The following EFCAB6 variants were observed in gnomAD, a reference collection of about 807,000 sequenced individuals.
EFCAB6 encodes the protein EF-hand calcium binding domain 6.
A neutral mutation model predicts 169.8 loss-of-function variants in EFCAB6; 156 were observed. That is an observed-to-expected ratio of 0.92 (90% CI 0.81 to 1.05). The LOEUF (loss-of-function observed/expected upper bound fraction) is 1.05, where lower values mean the gene tolerates loss of function less well. EFCAB6 is among the 50% of genes least tolerant of loss of function. The probability of loss-of-function intolerance (pLI) is 0.00; values close to 1 mark genes in which losing one functional copy is unlikely to be tolerated. For missense variants in EFCAB6, 1,800 were observed against 1,829.1 expected, an observed-to-expected ratio of 0.98 and a Z score of 0.29; for synonymous variants, 698 against 676.4, an observed-to-expected ratio of 1.03 and a Z score of -0.50.
chr22:43,666,028 T>C (rs2057232514), intron 17 of EFCAB6, among the ~76,000 whole-genome samples: 1 of 152,248 alleles, frequency 6.6e-6, no homozygotes, highest in Non-Finnish European at 1.5e-5. Flanking sequence ...CCTCACGTGA[T>C]CCACCTGCCT....
chr22:43,610,406 T>C (rs1407438346), intron 21 of EFCAB6, among the ~76,000 whole-genome samples: 2 of 152,136 alleles, frequency 1.3e-5, no homozygotes, highest in Admixed American at 6.5e-5. Context: ...ACCTGACCAA[T>C]AAATGACCAA....
chr22:43,712,425 A>G (rs1472965611), intron 9 of EFCAB6, among the ~76,000 whole-genome samples: 1 of 152,232 alleles, frequency 6.6e-6, no homozygotes, highest in East Asian at 1.9e-4. Context: ...CTCCTGGAAC[A>G]TGGAAATATA....
intron 3 of EFCAB6, among the ~76,000 whole-genome samples, chr22:43,777,469 A>G (rs1012567918): frequency 2.0e-5 from 3 of 152,228 alleles, no homozygotes; most frequent in Non-Finnish European, 4.4e-5. Context: ...CAAGAGTTCC[A>G]AGAACACTCA....
At chr22:43,703,383 A>C (rs2058836281) in intron 10 of EFCAB6, among the ~76,000 whole-genome samples, 1 of 152,226 alleles carries the variant, frequency 6.6e-6, no homozygotes, top group Non-Finnish European at 1.5e-5. Context: ...GAACACCTGT[A>C]AAAGCCAGAA....
chr22:43,567,502 T>C (rs2049525768), intron 26 of EFCAB6, among the ~76,000 whole-genome samples: 3 of 152,334 alleles, frequency 2.0e-5, no homozygotes, highest in African/African-American at 7.2e-5. Flanking sequence ...TGGTGTTTGC[T>C]GTGTCAGGTA....
chr22:43,642,616 A>C (rs2055876362), intron 17 of EFCAB6, among the ~76,000 whole-genome samples: 1 of 152,250 alleles, frequency 6.6e-6, no homozygotes, highest in African/African-American at 2.4e-5. Flanking sequence ...TACTATGGCT[A>C]GAAAATAATA....
chr22:43,737,229 C>T (rs1003652495), intron 6 of EFCAB6, among the ~76,000 whole-genome samples: 1 of 152,074 alleles, frequency 6.6e-6, no homozygotes, highest in Non-Finnish European at 1.5e-5. Context: ...ACGGGTGCTG[C>T]GTGGTAATCC....
intron 4 of EFCAB6, among the ~76,000 whole-genome samples, chr22:43,769,345 A>G (rs563634935): frequency 2.0e-5 from 3 of 152,230 alleles, no homozygotes; most frequent in Admixed American, 6.5e-5. Context: ...AAGGAAATGG[A>G]GAGTAACTGC....
chr22:43,687,427 GAT>G, intron 11 of EFCAB6, 42 bp downstream of exon 11: 1 of 1,100,226 alleles, frequency 9.1e-7, no homozygotes, highest in Non-Finnish European at 1.3e-6. Flanking sequence ...TACATATTAT[GAT>G]ATGTGTAACT....
intron 27 of EFCAB6, among the ~76,000 whole-genome samples, chr22:43,550,301 C>A (rs552532253): frequency 7.1e-4 from 108 of 152,294 alleles, no homozygotes; most frequent in Middle Eastern, 3.4e-3. Flanking sequence ...CCTAAGTCCA[C>A]CTGCCTGAAG....
Position 43,590,213 on chromosome 22 carries a change from G to T in EFCAB6, c.2893C>A (p.Arg965Ser). Residue 965 changes from arginine (R) to serine (S), a missense_variant, in exon 24 of 32, where the codon CGC becomes AGC. Physicochemically the swap from Arg to Ser is moderately radical, Grantham distance 110 (BLOSUM62 -1). Transcript: ENST00000262726. The stretch of plus-strand genomic sequence containing the variant: ...AATGCTTTGCTGATATCTTGATGGC[G>T]GTCCATAAGCTTATCCCTGAAAGAG... ...AVAARDKLMD[R>S]HQDISKAFTK... 6.2e-7 allele frequency: 1 copy of T among 1,613,380 alleles called. No homozygotes were observed. The highest frequency in any genetic ancestry group is 8.5e-7 in the Non-Finnish European group (1 of 1,179,740).
chr22:43,762,908 G>A (rs188298036), intron 5 of EFCAB6, among the ~76,000 whole-genome samples: 105 of 152,294 alleles, frequency 6.9e-4, no homozygotes, highest in African/African-American at 2.4e-3. Flanking sequence ...CAGCTTACAA[G>A]ACAAACTGTC....
chr22:43,535,045 A>G, intron 29 of EFCAB6, 173 bp from the exon 30 acceptor site: 1 of 654,090 alleles, frequency 1.5e-6, no homozygotes, highest in Non-Finnish European at 2.5e-6. Context: ...CATGTGACAA[A>G]CTAAGTGCCG....
chr22:43,705,637 A>T (rs541061638), intron 10 of EFCAB6, among the ~76,000 whole-genome samples: 18 of 152,296 alleles, frequency 1.2e-4, no homozygotes, highest in African/African-American at 4.3e-4. Flanking sequence ...AATAGATAAT[A>T]AATAACAACA....
At chr22:43,608,376 C>T in intron 22 of EFCAB6, 106 bp downstream of exon 22, 1 of 918,426 alleles carries the variant, frequency 1.1e-6, no homozygotes, top group Non-Finnish European at 1.7e-6. Context: ...AGAAAATACT[C>T]CCAGCCCCCA....
At chr22:43,629,112 T>C (rs73887363) in intron 19 of EFCAB6, among the ~76,000 whole-genome samples, 5,259 of 152,294 alleles carry the variant, frequency 0.035, 283 homozygotes, top group African/African-American at 0.12. Flanking sequence ...GCGTGATTAC[T>C]GCAGGGACAG....
At chr22:43,811,708 C>T (rs2063137005) in intron 1 of EFCAB6, among the ~76,000 whole-genome samples, 1 of 152,132 alleles carries the variant, frequency 6.6e-6, no homozygotes, top group African/African-American at 2.4e-5. Flanking sequence ...GGAAAAGCCC[C>T]TTCACCCCAC....
intron 10 of EFCAB6, among the ~76,000 whole-genome samples, chr22:43,691,797 C>T (rs1221033128): frequency 6.6e-6 from 1 of 152,132 alleles, no homozygotes; most frequent in Admixed American, 6.5e-5. Context: ...AACCCTCCTC[C>T]AGATAATCAC....
rs748880129 is a variant in EFCAB6 at position 43,716,932 on chromosome 22, C to T, written c.798G>A (p.Lys266=). ...ATGATGCAGAACCTAGCAAACGTTC[C>T]TTTTTGGAATTTTTGGCTTGTTGAT... The part of the protein sequence containing the change: ...LENQQAKNSK[K]ERLLGSASSE... Residue 266 remains lysine, a synonymous_variant, in exon 9 of 32, where the codon AAG becomes AAA. Coordinates refer to ENST00000262726, the MANE Select transcript of EFCAB6 (RefSeq NM_022785.4). 1 of 1,574,538 alleles carries T rather than the reference C, an allele frequency of 6.4e-7. No individual in the cohort carries two copies. The highest frequency in any genetic ancestry group is 8.6e-7 in the Non-Finnish European group (1 of 1,162,456).
Sources: allele counts gnomAD v4.1 joint callset (sites outside exome capture counted in the v4.1 genomes callset), GRCh38; gene constraint gnomAD v4.1.1; transcripts MANE v1.5; gene names NCBI Gene and HGNC (gene_info 2026-07-23, HGNC 2026-07-21).